The following KLHL18 variants were observed in gnomAD, a reference collection of about 807,000 sequenced individuals.
The protein encoded by KLHL18 is kelch like family member 18, also known as kelch-like protein 18.
KLHL18 carries 38 observed loss-of-function variants against 58.5 expected under a neutral mutation model. The observed-to-expected ratio is 0.65, with a 90% confidence interval of 0.50 to 0.85. KLHL18 has a LOEUF of 0.85. Among genes scored for constraint, KLHL18 ranks in the 40% least tolerant of loss-of-function variants. The probability of loss-of-function intolerance (pLI) is 0.00; values close to 1 mark genes in which losing one functional copy is unlikely to be tolerated. For synonymous variants in KLHL18, 303 were observed against 301.9 expected (o/e 1.00, Z -0.04); for missense variants, 624 against 778.4 (o/e 0.80, Z 2.36).
At chr3:47,333,385 G>A in intron 5 of KLHL18, 68 bp downstream of exon 5, 2 of 1,457,396 alleles carry the variant, frequency 1.4e-6, no homozygotes, top group Non-Finnish European at 1.9e-6. Context: ...TTGGCCACCT[G>A]TTCCAGTTCT....
chr3:47,331,250 C>T (rs932336567), intron 4 of KLHL18, among the ~76,000 whole-genome samples: 4 of 151,504 alleles, frequency 2.6e-5, no homozygotes, highest in Non-Finnish European at 2.9e-5. Flanking sequence ...CTTCAGCCTC[C>T]CAAGTAGCTG....
chr3:47,330,194 G>C (rs1036424716), intron 4 of KLHL18, 45 bp downstream of exon 4: 2 of 1,515,146 alleles, frequency 1.3e-6, no homozygotes, highest in East Asian at 4.5e-5. Context: ...ATGAGATGCT[G>C]CTCTTTATAG....
chr3:47,331,553 T>G (rs531258888), intron 4 of KLHL18, among the ~76,000 whole-genome samples: 1 of 145,904 alleles, frequency 6.9e-6, no homozygotes, highest in East Asian at 2.1e-4. Flanking sequence ...CTGCCTCAGC[T>G]TCCCAAGTAG....
At chr3:47,303,059 A>G (rs1275565978) in intron 1 of KLHL18, among the ~76,000 whole-genome samples, 2 of 152,150 alleles carry the variant, frequency 1.3e-5, no homozygotes, top group Admixed American at 6.5e-5. Context: ...CCTTTTTGCC[A>G]TATTCATGAT....
intron 2 of KLHL18, among the ~76,000 whole-genome samples, chr3:47,320,839 G>A (rs2107630562): frequency 6.6e-6 from 1 of 152,300 alleles, no homozygotes; most frequent in South Asian, 2.1e-4. Flanking sequence ...GGTGAGCCGA[G>A]GAAGTCAAGG....
chr3:47,283,778 A>G (rs1031606924), intron 1 of KLHL18, among the ~76,000 whole-genome samples: 5 of 152,192 alleles, frequency 3.3e-5, no homozygotes, highest in African/African-American at 1.2e-4. Context: ...CGCTAGAGCC[A>G]GCCTCCCTCC....
In KLHL18 at chr3:47,333,731, T is replaced by A. The variant is rs1011287241; in HGVS notation, c.761+414T>A. On this transcript the variant is annotated intron_variant, in intron 5 of 9. Coordinates refer to ENST00000232766, the MANE Select transcript of KLHL18 (RefSeq NM_025010.5). ...TAAATATTAGTCAGTGCTGTGGGCA[T>A]GGAGGGCCTCTGCCAGGTGTAGGCT... 4.6e-5 allele frequency among the ~76,000 whole-genome samples: 7 copies of A among 152,224 alleles called. No homozygotes were observed. In the East Asian group the frequency reaches 5.8e-4, roughly 13 times the overall value.
intron 1 of KLHL18, among the ~76,000 whole-genome samples, chr3:47,298,795 C>G (rs1175535378): frequency 6.6e-6 from 1 of 152,134 alleles, no homozygotes; most frequent in Admixed American, 6.5e-5. Flanking sequence ...TAAATGAAAT[C>G]GTAGAGTTCG....
At chr3:47,329,066 G>A (rs1703790215) in intron 3 of KLHL18, among the ~76,000 whole-genome samples, 1 of 151,806 alleles carries the variant, frequency 6.6e-6, no homozygotes, top group African/African-American at 2.4e-5. Context: ...GAAGTCAAGG[G>A]TGATGTGAGC....
At chr3:47,323,684 C>T (rs760646731) in intron 3 of KLHL18, among the ~76,000 whole-genome samples, 4 of 152,156 alleles carry the variant, frequency 2.6e-5, no homozygotes, top group Non-Finnish European at 4.4e-5. Flanking sequence ...TAGTGCTGGG[C>T]CACAGACAGG....
In KLHL18 at chr3:47,345,209, C is replaced by G. The variant is rs1473660919; in HGVS notation, c.*1268C>G. ...ACGTTGACCATATGCACCTCTAGAA[C>G]CTAACCAGGGCTTCCTTCTACCAGC... On this transcript the variant is annotated 3_prime_UTR_variant, in exon 10 of 10. Coordinates refer to ENST00000232766, the MANE Select transcript of KLHL18 (RefSeq NM_025010.5). The G allele has an allele frequency of 6.6e-6, 1 of 152,504 alleles. No individual in the cohort carries two copies. The highest frequency in any genetic ancestry group is 1.5e-5 in the Non-Finnish European group (1 of 68,148). The allele number at this position is 152,504 out of a possible 1,614,324, so 9.4% of individuals were successfully genotyped here. A position where few individuals can be genotyped will look rare whatever the true frequency, so the allele number is the denominator to read the frequency against.
At chr3:47,295,859 G>A (rs1411784694) in intron 1 of KLHL18, among the ~76,000 whole-genome samples, 1 of 151,990 alleles carries the variant, frequency 6.6e-6, no homozygotes, top group Non-Finnish European at 1.5e-5. Context: ...TGTAGCCACT[G>A]TGCCCGGCCC....
chr3:47,326,582 C>T (rs1050259112), intron 3 of KLHL18, among the ~76,000 whole-genome samples: 7 of 152,164 alleles, frequency 4.6e-5, no homozygotes, highest in African/African-American at 1.7e-4. Context: ...AGGCTCCCCA[C>T]GTCCCCCATC....
chr3:47,339,135 A>G (rs944048863), intron 7 of KLHL18, among the ~76,000 whole-genome samples: 2 of 152,162 alleles, frequency 1.3e-5, no homozygotes, highest in African/African-American at 4.8e-5. Flanking sequence ...TCCCCAAGCT[A>G]TGGCTGCCTG....
Position 47,334,849 on chromosome 3 carries a change from C to T in KLHL18, c.898+30C>T. On this transcript the variant is annotated intron_variant, in intron 6 of 9. Transcript: ENST00000232766. The surrounding 1 kb of genome is among the most constrained non-coding windows in gnomAD (Gnocchi z 4.7). ...CTTGCGGCTCCCCTTTATAGACCCT[C>T]CTCTTGGACTCCATGGATGAGGAAG... 1.9e-6 allele frequency: 3 copies of T among 1,586,048 alleles called. No individual in the cohort carries two copies. The highest frequency in any genetic ancestry group is 2.6e-6 in the Non-Finnish European group (3 of 1,164,700).
chr3:47,339,344 T>A (rs949844690), intron 7 of KLHL18, among the ~76,000 whole-genome samples: 15 of 151,354 alleles, frequency 9.9e-5, no homozygotes, highest in African/African-American at 3.4e-4. Flanking sequence ...AAAAAAAAAT[T>A]AGCCAGGCAT....
chr3:47,299,329 C>T lies in KLHL18; in HGVS notation c.129+16235C>T, dbSNP rs150510230. ...ATCCCAGCTACCTGGGAAGCTGAGG[C>T]GGGAGGATTGCTTGAGCCCAGGAGT... On this transcript the variant is annotated intron_variant, in intron 1 of 9. Coordinates refer to ENST00000232766, the MANE Select transcript of KLHL18 (RefSeq NM_025010.5). 5.4e-3 allele frequency among the ~76,000 whole-genome samples: 815 copies of T among 152,216 alleles called. 8 individuals are homozygous for T. The highest frequency in any genetic ancestry group is 0.019 in the African/African-American group (773 of 41,518).
Position 47,324,298 on chromosome 3 carries a change from C to CTTTTTTTTTTTTTTTTTTTTTTTTT in KLHL18, c.401+1592_401+1616dup. ...CTTCCTTTTTTCTTTTTCTTTCTTT[C>CTTTTTTTTTTTTTTTTTTTTTTTTT]TTTTTTTTTTTTTTTTTTTTTTTTT... On this transcript the variant is annotated intron_variant, in intron 3 of 9. Coordinates refer to ENST00000232766, the MANE Select transcript of KLHL18 (RefSeq NM_025010.5). Among the ~76,000 whole-genome samples, 344 of 37,478 alleles carry CTTTTTTTTTTTTTTTTTTTTTTTTT rather than the reference C, an allele frequency of 9.2e-3. 137 individuals carry two copies. Among genetic ancestry groups the CTTTTTTTTTTTTTTTTTTTTTTTTT allele is most frequent in the East Asian group, 0.027 (30 of 1,120 alleles). The allele number at this position is 37,478 out of a possible 152,430, so 24.6% of individuals were successfully genotyped here. A position where few individuals can be genotyped will look rare whatever the true frequency, so the allele number is the denominator to read the frequency against.
chr3:47,334,895 C>T lies in KLHL18; in HGVS notation c.898+76C>T, dbSNP rs924893619. ...GGAAGCACCAGACAAATTAGCCTGGCCCTTCTGGTTTCTCTGTTTTGTACT... is the reference window on the plus strand; with the variant it reads ...GGAAGCACCAGACAAATTAGCCTGGTCCTTCTGGTTTCTCTGTTTTGTACT... On this transcript the variant is annotated intron_variant, in intron 6 of 9. Transcript: ENST00000232766. The surrounding 1 kb of genome is among the most constrained non-coding windows in gnomAD (Gnocchi z 4.7). 62 of 1,465,758 alleles carry T rather than the reference C, an allele frequency of 4.2e-5. 1 individual carries two copies. The highest frequency in any genetic ancestry group is 4.5e-4 in the Middle Eastern group (2 of 4,486). 90.8% of individuals were successfully genotyped at this position (1,465,758 alleles called of 1,614,324 possible).
Sources: gnomAD v4.1 joint callset for allele counts (sites outside exome capture counted in the v4.1 genomes callset) on GRCh38, gnomAD v4.1.1 for gene constraint, Gnocchi (gnomAD v3.1) non-coding constraint, MANE v1.5 for transcripts, NCBI Gene and HGNC (gene_info 2026-07-23, HGNC 2026-07-21) for gene names.